The following GOLGA1 variants were observed in gnomAD, a reference collection of about 807,000 sequenced individuals.
GOLGA1 encodes the protein golgin subfamily A member 1.
In GOLGA1, 63 loss-of-function variants were observed where a neutral mutation model predicts 119.7. That is an observed-to-expected ratio of 0.53 (90% CI 0.43 to 0.65). The LOEUF (loss-of-function observed/expected upper bound fraction) is 0.65, where lower values mean the gene tolerates loss of function less well. GOLGA1 is among the 30% of genes least tolerant of loss of function. The probability of loss-of-function intolerance (pLI) is 0.00; values close to 1 mark genes in which losing one functional copy is unlikely to be tolerated. For synonymous variants in GOLGA1, 318 were observed against 333.4 expected (o/e 0.95, Z 0.50); for missense variants, 798 against 912.8 (o/e 0.87, Z 1.62).
intron 7 of GOLGA1, among the ~76,000 whole-genome samples, chr9:124,924,021 A>G (rs1830623191): frequency 6.6e-6 from 1 of 152,040 alleles, no homozygotes; most frequent in African/African-American, 2.4e-5. Flanking sequence ...ATGCCCGGCT[A>G]ATTTTTCTAC....
intron 10 of GOLGA1, among the ~76,000 whole-genome samples, chr9:124,913,061 AAGG>A (rs1490451468): frequency 1.3e-5 from 2 of 152,192 alleles, no homozygotes; most frequent in Non-Finnish European, 2.9e-5. Context: ...AGCATGGCAG[AAGG>A]AGAAGGGGAA....
chr9:124,923,057 T>C (rs1363956402), intron 8 of GOLGA1, 38 bp downstream of exon 8: 6 of 1,438,424 alleles, frequency 4.2e-6, no homozygotes, highest in African/African-American at 1.4e-5. Flanking sequence ...TGAATAATCA[T>C]CTATTCAGTA....
At chr9:124,886,390 G>A (rs1024308281) in intron 19 of GOLGA1, among the ~76,000 whole-genome samples, 14 of 151,990 alleles carry the variant, frequency 9.2e-5, no homozygotes, top group African/African-American at 3.4e-4. Flanking sequence ...AGGAAGAGAC[G>A]CCTGTCCAAG....
chr9:124,914,605 T>C (rs1320173133), intron 10 of GOLGA1, among the ~76,000 whole-genome samples: 2 of 152,198 alleles, frequency 1.3e-5, no homozygotes, highest in African/African-American at 4.8e-5. Flanking sequence ...AGTGTGGTAA[T>C]AGCGTAAAGA....
intron 3 of GOLGA1, among the ~76,000 whole-genome samples, chr9:124,936,618 A>AG (rs1268298128): frequency 2.6e-5 from 4 of 151,956 alleles, no homozygotes; most frequent in Non-Finnish European, 5.9e-5. Flanking sequence ...TTAAAAAAAA[A>AG]AAAAAAAACT....
At chr9:124,902,636 C>T (rs192608644) in intron 12 of GOLGA1, among the ~76,000 whole-genome samples, 3 of 151,376 alleles carry the variant, frequency 2.0e-5, no homozygotes, top group East Asian at 2.0e-4. Flanking sequence ...ACTACAGGCG[C>T]CTGCCACCAT....
intron 7 of GOLGA1, among the ~76,000 whole-genome samples, chr9:124,925,009 G>A (rs1830646645): frequency 1.3e-5 from 2 of 151,780 alleles, no homozygotes; most frequent in South Asian, 2.1e-4. Context: ...AAACCCGGGA[G>A]GCAGAGCTTG....
intron 19 of GOLGA1, among the ~76,000 whole-genome samples, chr9:124,883,984 C>T (rs1829654783): frequency 6.6e-6 from 1 of 152,008 alleles, no homozygotes; most frequent in Non-Finnish European, 1.5e-5. Flanking sequence ...GACATTTTCT[C>T]AACTAAAAAC....
At chr9:124,933,240 C>T (rs1830805336) in intron 3 of GOLGA1, among the ~76,000 whole-genome samples, 1 of 152,264 alleles carries the variant, frequency 6.6e-6, no homozygotes, top group Middle Eastern at 3.4e-3. Context: ...TTACAGGCCT[C>T]AGACTGTTAT....
At chr9:124,911,651 T>C (rs951914383) in intron 11 of GOLGA1, among the ~76,000 whole-genome samples, 3 of 152,254 alleles carry the variant, frequency 2.0e-5, no homozygotes, top group Admixed American at 1.3e-4. Flanking sequence ...GTGTGGTTTA[T>C]TGGTGATGAG....
At chr9:124,905,793 T>C (rs1830214459) in intron 12 of GOLGA1, among the ~76,000 whole-genome samples, 1 of 152,144 alleles carries the variant, frequency 6.6e-6, no homozygotes, top group African/African-American at 2.4e-5. Context: ...AAAATGGCAG[T>C]TCTCTAGAAT....
chr9:124,912,680 C>A (rs972850837), intron 10 of GOLGA1, among the ~76,000 whole-genome samples: 2 of 152,116 alleles, frequency 1.3e-5, no homozygotes, highest in Non-Finnish European at 2.9e-5. Flanking sequence ...GTAGCTGGGA[C>A]TACAGGCGCC....
Position 124,888,978 on chromosome 9 carries a change from C to T in GOLGA1, c.1761+165G>A, listed in dbSNP as rs1456151598. Among the ~76,000 whole-genome samples, 1 of 152,196 alleles carries T rather than the reference C, an allele frequency of 6.6e-6. No individual in the cohort carries two copies. The highest frequency in any genetic ancestry group is 1.5e-5 in the Non-Finnish European group (1 of 68,032). On this transcript the variant is annotated intron_variant, in intron 18 of 22. Transcript: ENST00000373555. The surrounding 1 kb of genome is among the most constrained non-coding windows in gnomAD (Gnocchi z 4.4). ...CCTCCCAAAGTGCTGGGATTACAGG[C>T]GTGAGCCACTGCGCCTGGCCAAGTG...
intron 3 of GOLGA1, among the ~76,000 whole-genome samples, chr9:124,934,798 G>C (rs904359032): frequency 1.3e-5 from 2 of 152,190 alleles, no homozygotes; most frequent in South Asian, 2.1e-4. Flanking sequence ...TGCAGTCCCA[G>C]TACTTTGGGA....
In GOLGA1 at chr9:124,933,794, C is replaced by T. The variant is rs117904984; in HGVS notation, c.136-2388G>A. On this transcript the variant is annotated intron_variant, in intron 3 of 22. Coordinates refer to ENST00000373555, the MANE Select transcript of GOLGA1 (RefSeq NM_002077.4). ...CCAATAAAAAGCCTGGACACTGAGT[C>T]TCTAATGAGCTTCCCTGGTAGACAT... 4.6e-4 allele frequency among the ~76,000 whole-genome samples: 70 copies of T among 152,282 alleles called. No individual in the cohort carries two copies. In the East Asian group the frequency reaches 0.012, roughly 27 times the overall value.
intron 15 of GOLGA1, among the ~76,000 whole-genome samples, chr9:124,890,965 G>GGTT (rs1829842702): frequency 6.6e-6 from 1 of 152,074 alleles, no homozygotes; most frequent in South Asian, 2.1e-4. Context: ...GGCCATCCTG[G>GGTT]GTAACACAGT....
chr9:124,902,721 C>T (rs563716662), intron 12 of GOLGA1, among the ~76,000 whole-genome samples: 2 of 152,152 alleles, frequency 1.3e-5, no homozygotes, highest in East Asian at 3.9e-4. Flanking sequence ...GATCTCCTGA[C>T]CTTGTGATCC....
chr9:124,894,537 T>A (rs1588063936), intron 15 of GOLGA1, among the ~76,000 whole-genome samples: 3 of 152,252 alleles, frequency 2.0e-5, no homozygotes, highest in Admixed American at 2.0e-4. Flanking sequence ...TCCTAATTTA[T>A]ATGTCTACTC....
At chr9:124,942,264 C>CT (rs755718703), upstream of GOLGA1, among the ~76,000 whole-genome samples, 3 of 152,202 alleles carry the variant, frequency 2.0e-5, no homozygotes, top group Non-Finnish European at 4.4e-5. Context: ...GAGCGAAACT[C>CT]TATCTCAAAC....
Sources: allele counts gnomAD v4.1 joint callset (sites outside exome capture counted in the v4.1 genomes callset), GRCh38; gene constraint gnomAD v4.1.1; non-coding constraint Gnocchi (gnomAD v3.1); transcripts MANE v1.5; gene names NCBI Gene and HGNC (gene_info 2026-07-23, HGNC 2026-07-21).